The following SPIDR variants were observed in gnomAD, a reference collection of about 807,000 sequenced individuals.
SPIDR encodes scaffold protein involved in DNA repair.
A neutral mutation model predicts 104.6 loss-of-function variants in SPIDR; 93 were observed. The observed-to-expected ratio is 0.89, with a 90% CI of 0.75 to 1.06. The LOEUF (loss-of-function observed/expected upper bound fraction) is 1.06. Ranked by LOEUF, SPIDR falls within the 50% of genes least tolerant of loss-of-function variation. The probability of loss-of-function intolerance (pLI) is 0.00; values close to 1 mark genes in which losing one functional copy is unlikely to be tolerated. For missense variants in SPIDR, 1,154 were observed against 1,111.2 expected, an observed-to-expected ratio of 1.04 and a Z score of -0.55; for synonymous variants, 431 against 416.9, an observed-to-expected ratio of 1.03 and a Z score of -0.41.
chr8:47,702,091 TCTCTCTTACACACACACACACA>T (rs2080325235), intron 14 of SPIDR, 76 bp downstream of exon 14: 2 of 85,790 alleles, frequency 2.3e-5, no homozygotes, highest in African/African-American at 4.9e-5. Flanking sequence ...TCTCTCTCTC[TCTCTCTTACACACACACACACA>T]CACACACACA....
chr8:47,366,914 G>GT (rs2057305128), intron 5 of SPIDR, among the ~76,000 whole-genome samples: 1 of 152,130 alleles, frequency 6.6e-6, no homozygotes, highest in Non-Finnish European at 1.5e-5. Flanking sequence ...CCAAGTTTTT[G>GT]TTTTTTCCTT....
chr8:47,619,934 G>T (rs547194493), intron 10 of SPIDR, among the ~76,000 whole-genome samples: 1 of 152,290 alleles, frequency 6.6e-6, no homozygotes, highest in East Asian at 1.9e-4. Context: ...GAATAAGGAG[G>T]AAAGGAAGGA....
chr8:47,734,811 G>A (rs1226180809), intron 19 of SPIDR, among the ~76,000 whole-genome samples: 2 of 152,152 alleles, frequency 1.3e-5, no homozygotes, highest in East Asian at 1.9e-4. Context: ...AAGAAAAAGC[G>A]AAGTCTCATT....
At chr8:47,292,243 C>CT (rs1337724055) in intron 4 of SPIDR, among the ~76,000 whole-genome samples, 1 of 151,810 alleles carries the variant, frequency 6.6e-6, no homozygotes, top group East Asian at 1.9e-4. Flanking sequence ...TGTTAGTTAC[C>CT]TAGGGTTCAG....
intron 8 of SPIDR, among the ~76,000 whole-genome samples, chr8:47,458,315 A>G (rs1554711008): frequency 6.7e-6 from 1 of 148,766 alleles, no homozygotes; most frequent in Non-Finnish European, 1.5e-5. Flanking sequence ...GGTTAAGCAT[A>G]TTCCTAAGTA....
intron 11 of SPIDR, among the ~76,000 whole-genome samples, chr8:47,674,458 GTGCCTGTT>G: frequency 6.6e-6 from 1 of 151,872 alleles, no homozygotes; most frequent in Non-Finnish European, 1.5e-5. Flanking sequence ...TGGCCTATCT[GTGCCTGTT>G]ACATCTCCAG....
At chr8:47,377,082 G>A (rs1237078330) in intron 5 of SPIDR, among the ~76,000 whole-genome samples, 1 of 152,134 alleles carries the variant, frequency 6.6e-6, no homozygotes, top group African/African-American at 2.4e-5. Context: ...GCTGACCCCT[G>A]TTCTGGATGG....
At chr8:47,598,114 T>C (rs1442824984) in intron 9 of SPIDR, among the ~76,000 whole-genome samples, 1 of 152,262 alleles carries the variant, frequency 6.6e-6, no homozygotes, top group East Asian at 1.9e-4. Flanking sequence ...CAGAGCACAT[T>C]ACTGTTTTAA....
At chr8:47,411,771 G>C (rs1439134450) in intron 7 of SPIDR, among the ~76,000 whole-genome samples, 3 of 151,972 alleles carry the variant, frequency 2.0e-5, no homozygotes, top group African/African-American at 7.3e-5. Flanking sequence ...TTTCTTCTAG[G>C]GTTTTTATGG....
intron 10 of SPIDR, among the ~76,000 whole-genome samples, chr8:47,658,873 T>C (rs1227732033): frequency 6.7e-6 from 1 of 150,168 alleles, no homozygotes; most frequent in East Asian, 2.0e-4. Context: ...GAGGTGGAGA[T>C]TGCAGTGAGC....
intron 8 of SPIDR, among the ~76,000 whole-genome samples, chr8:47,486,362 C>A (rs1437301152): frequency 6.6e-6 from 1 of 152,080 alleles, no homozygotes; most frequent in African/African-American, 2.4e-5. Context: ...GTGAAAAGAC[C>A]AAATCTACGT....
At chr8:47,568,959 A>G (rs372160479) in intron 8 of SPIDR, among the ~76,000 whole-genome samples, 45 of 152,356 alleles carry the variant, frequency 3.0e-4, no homozygotes, top group African/African-American at 1.1e-3. Context: ...ATGAAATTCA[A>G]CTATGAAAAG....
intron 10 of SPIDR, among the ~76,000 whole-genome samples, chr8:47,614,473 C>T (rs1360523500): frequency 2.6e-5 from 4 of 152,170 alleles, no homozygotes; most frequent in African/African-American, 7.2e-5. Flanking sequence ...CCGCCCACCT[C>T]GGCCTCCCAA....
At chr8:47,682,263 AAAAAAAAAAAAAC>A (rs979390264) in intron 11 of SPIDR, among the ~76,000 whole-genome samples, 3 of 150,534 alleles carry the variant, frequency 2.0e-5, no homozygotes, top group African/African-American at 4.8e-5. Flanking sequence ...CCAAAAAAAA[AAAAAAAAAAAAAC>A]CCAGACACAA....
intron 10 of SPIDR, among the ~76,000 whole-genome samples, chr8:47,628,283 C>CA (rs2154440940): frequency 6.6e-6 from 1 of 152,274 alleles, no homozygotes; most frequent in South Asian, 2.1e-4. Flanking sequence ...CCAGTAACAG[C>CA]AAGGAATCAT....
At chr8:47,589,473 C>T (rs1465659637) in intron 8 of SPIDR, among the ~76,000 whole-genome samples, 8 of 151,114 alleles carry the variant, frequency 5.3e-5, no homozygotes, top group Non-Finnish European at 1.0e-4. Context: ...TGCAGTGAAC[C>T]GAGATCACAC....
In SPIDR at chr8:47,344,272, T is replaced by C. The variant is rs186813851; in HGVS notation, c.525+50242T>C. 4.0e-3 allele frequency among the ~76,000 whole-genome samples: 616 copies of C among 152,304 alleles called. 4 individuals carry two copies. The highest frequency in any genetic ancestry group is 0.022 in the South Asian group (107 of 4,826). On this transcript the variant is annotated intron_variant, in intron 5 of 19. Transcript: ENST00000297423. ...TTCAGAATGATGGTTTCCACCTTCA[T>C]CCATGTCCCTACAAAGGACATGAAC...
chr8:47,530,092 A>G (rs1222198994), intron 8 of SPIDR, among the ~76,000 whole-genome samples: 4 of 152,210 alleles, frequency 2.6e-5, no homozygotes, highest in African/African-American at 7.2e-5. Context: ...GGTATAGCCT[A>G]CTGCTCCTAG....
At chr8:47,664,212 T>A (rs1445656834) in intron 10 of SPIDR, among the ~76,000 whole-genome samples, 1 of 151,844 alleles carries the variant, frequency 6.6e-6, no homozygotes, top group Non-Finnish European at 1.5e-5. Context: ...AGCAAATGAG[T>A]CAGGCCAAGA....
Sources: allele counts gnomAD v4.1 joint callset (sites outside exome capture counted in the v4.1 genomes callset), GRCh38; gene constraint gnomAD v4.1.1; transcripts MANE v1.5; gene names NCBI Gene and HGNC (gene_info 2026-07-23, HGNC 2026-07-21).